RNF6: variants seen among roughly 807,000 people sequenced by gnomAD.
RNF6 encodes the protein ring finger protein 6, also known as E3 ubiquitin-protein ligase RNF6.
RNF6 carries 21 observed loss-of-function variants against 50.1 expected under a neutral mutation model. That is an observed-to-expected ratio of 0.42 (90% confidence interval 0.30 to 0.60). RNF6 has a LOEUF of 0.60. RNF6 is among the 20% of genes least tolerant of loss of function. The probability of loss-of-function intolerance (pLI) is 0.20; values close to 1 mark genes in which losing one functional copy is unlikely to be tolerated. For synonymous variants in RNF6, 255 were observed against 291.8 expected (o/e 0.87, Z 1.29); for missense variants, 698 against 838.2 (o/e 0.83, Z 2.07).
chr13:26,177,065 G>A (rs965163038), intron 5 of RNF6, among the ~76,000 whole-genome samples: 3 of 152,146 alleles, frequency 2.0e-5, no homozygotes, highest in East Asian at 1.9e-4. Flanking sequence ...AAAGATCGGC[G>A]GGGACCACCA....
intron 5 of RNF6, among the ~76,000 whole-genome samples, chr13:26,188,745 T>C (rs926459374): frequency 1.4e-5 from 2 of 144,390 alleles, no homozygotes; most frequent in African/African-American, 2.5e-5. Context: ...TTATCCTGCC[T>C]CAGCCTCCCA....
intron 5 of RNF6, among the ~76,000 whole-genome samples, chr13:26,198,963 T>TA (rs1868788993): frequency 6.6e-6 from 1 of 151,902 alleles, no homozygotes; most frequent in Non-Finnish European, 1.5e-5. Flanking sequence ...AATCACTGCT[T>TA]AGAGAAATTT....
At chr13:26,208,697 C>G (rs1415049427), downstream of RNF6, among the ~76,000 whole-genome samples, 1 of 152,148 alleles carries the variant, frequency 6.6e-6, no homozygotes, top group Admixed American at 6.5e-5. Flanking sequence ...CCTAAGTGGA[C>G]CCCTCCCAAG....
At chr13:26,208,001 T>A (rs546927276), downstream of RNF6, among the ~76,000 whole-genome samples, 20 of 152,328 alleles carry the variant, frequency 1.3e-4, no homozygotes, top group South Asian at 2.1e-4. Context: ...GAATTTGAGG[T>A]TCCAAAGGGA....
intron 5 of RNF6, among the ~76,000 whole-genome samples, chr13:26,144,054 T>C (rs1373392888): frequency 1.3e-5 from 2 of 152,174 alleles, no homozygotes; most frequent in African/African-American, 2.4e-5. Context: ...ACTAAGTAGA[T>C]TGCAGATCAC....
chr13:26,154,140 C>T (rs1181910330), intron 5 of RNF6: 3 of 152,140 alleles, frequency 2.0e-5, no homozygotes, highest in Admixed American at 6.6e-5. Flanking sequence ...GTACAAAAAT[C>T]GAGGGAGAAA....
At chr13:26,168,867 T>A (rs1282971536) in intron 5 of RNF6, among the ~76,000 whole-genome samples, 1 of 152,150 alleles carries the variant, frequency 6.6e-6, no homozygotes, top group Admixed American at 6.5e-5. Flanking sequence ...CCAAGCACGG[T>A]GGCCGCACAG....
rs1236921130 is a variant in RNF6 at position 26,214,159 on chromosome 13, T to C, written c.1723A>G (p.Asn575Asp). ...AGTGTTCCAGTTTCAACTAAATTGT[T>C]TGGATTTCGCAACTGCCTGCCACCC... is the stretch of plus-strand genomic sequence containing the variant. The part of the protein sequence containing the change: ...SRGGRQLRNP[N>D]NLVETGTLPI... Residue 575 changes from asparagine (N) to aspartate (D), a missense_variant, in exon 5 of 5, where the codon AAC becomes GAC. Transcript: ENST00000381588. The C allele has an allele frequency of 6.2e-7, 1 of 1,614,222 alleles. No individual in the cohort carries two copies. Among genetic ancestry groups the C allele is most frequent in the South Asian group, 1.1e-5 (1 of 91,082 alleles).
intron 5 of RNF6, chr13:26,142,193 A>T (rs1870993463): frequency 6.6e-6 from 1 of 152,224 alleles, no homozygotes; most frequent in Non-Finnish European, 1.5e-5. Context: ...ATCTCACAAC[A>T]GTCAGAATGG....
intron 4 of RNF6, among the ~76,000 whole-genome samples, chr13:26,217,227 AAAT>A (rs1456190441): frequency 2.6e-5 from 4 of 152,230 alleles, no homozygotes. Flanking sequence ...ATCTAAACAC[AAAT>A]AATAAAATGT....
chr13:26,137,697 A>C (rs913022340), intron 5 of RNF6, among the ~76,000 whole-genome samples: 5 of 151,906 alleles, frequency 3.3e-5, no homozygotes, highest in Admixed American at 1.3e-4. Context: ...TGAAAAGCCC[A>C]ATAACTGAAA....
intron 5 of RNF6, among the ~76,000 whole-genome samples, chr13:26,160,544 CTTT>C (rs398022018): frequency 8.2e-5 from 2 of 24,312 alleles, no homozygotes; most frequent in African/African-American, 2.5e-4. Flanking sequence ...TCTTCTTCTT[CTTT>C]TTTTTTTTTT....
chr13:26,182,229 T>C (rs1263480466), intron 5 of RNF6, among the ~76,000 whole-genome samples: 2 of 152,254 alleles, frequency 1.3e-5, no homozygotes, highest in African/African-American at 4.8e-5. Flanking sequence ...GATTGAAATG[T>C]GGTGTTTCAC....
chr13:26,176,592 T>A (rs914706560), intron 5 of RNF6, among the ~76,000 whole-genome samples: 3 of 152,244 alleles, frequency 2.0e-5, no homozygotes, highest in Non-Finnish European at 4.4e-5. Flanking sequence ...CAAGTCGAGA[T>A]GTTTAGGGTT....
chr13:26,165,180 T>G (rs909233335), intron 5 of RNF6, among the ~76,000 whole-genome samples: 3 of 152,182 alleles, frequency 2.0e-5, no homozygotes, highest in African/African-American at 7.2e-5. Flanking sequence ...AACGTAGAAC[T>G]TGGGACATGG....
intron 5 of RNF6, among the ~76,000 whole-genome samples, chr13:26,155,723 A>T (rs1319406082): frequency 6.6e-6 from 1 of 152,190 alleles, no homozygotes; most frequent in Non-Finnish European, 1.5e-5. Context: ...CCTTGTCAGT[A>T]GGGGAATAGA....
chr13:26,134,736 T>C (rs1003249454), intron 5 of RNF6, among the ~76,000 whole-genome samples: 1 of 152,154 alleles, frequency 6.6e-6, no homozygotes, highest in African/African-American at 2.4e-5. Flanking sequence ...GGGAAAAGTA[T>C]ATCTACTCCA....
intron 5 of RNF6, among the ~76,000 whole-genome samples, chr13:26,205,008 A>C (rs1425704966): frequency 6.6e-6 from 1 of 152,168 alleles, no homozygotes; most frequent in African/African-American, 2.4e-5. Flanking sequence ...TGGGCCCTCC[A>C]AAGCGGCTTG....
intron 5 of RNF6, among the ~76,000 whole-genome samples, chr13:26,205,081 A>G (rs1278024569): frequency 6.6e-6 from 1 of 152,208 alleles, no homozygotes; most frequent in Non-Finnish European, 1.5e-5. Context: ...CCAAAGTCCT[A>G]CCAAGCCAGA....
Sources: allele counts gnomAD v4.1 joint callset (sites outside exome capture counted in the v4.1 genomes callset), GRCh38; gene constraint gnomAD v4.1.1; transcripts MANE v1.5; gene names NCBI Gene and HGNC (gene_info 2026-07-23, HGNC 2026-07-21).